ABHD3: variants seen among roughly 807,000 people sequenced by gnomAD.
ABHD3 encodes the protein abhydrolase domain containing 3, phospholipase, also known as phospholipase ABHD3.
A neutral mutation model predicts 48.8 loss-of-function variants in ABHD3; 46 were observed. That is an observed-to-expected ratio of 0.94 (90% CI 0.74 to 1.20). ABHD3 has a LOEUF of 1.20. Ranked by LOEUF, ABHD3 falls within the 50% of genes most tolerant of loss-of-function variation. The pLI, the probability that ABHD3 is intolerant of heterozygous loss-of-function variation, is 0.00. For synonymous variants in ABHD3, 192 were observed against 183.7 expected (o/e 1.04, Z -0.36); for missense variants, 490 against 497.8 (o/e 0.98, Z 0.15).
chr18:21,692,527 T>A (rs897026839), intron 3 of ABHD3, among the ~76,000 whole-genome samples: 12 of 152,086 alleles, frequency 7.9e-5, no homozygotes, highest in East Asian at 1.9e-4. Flanking sequence ...TGAATTTTTT[T>A]AAAAAAAGAA....
chr18:21,704,418 C>A, intron 1 of ABHD3, 86 bp downstream of exon 1: 4 of 1,223,226 alleles, frequency 3.3e-6, no homozygotes, highest in Non-Finnish European at 4.1e-6. Flanking sequence ...GGCTGCCGAC[C>A]GCCCCTGGCC....
At chr18:21,690,617 A>G (rs72886610) in intron 3 of ABHD3, among the ~76,000 whole-genome samples, 28,631 of 152,048 alleles carry the variant, frequency 0.19, 3,297 homozygotes, top group East Asian at 0.44. Context: ...AAACAAAAAA[A>G]TCCACCACAT....
chr18:21,701,019 A>G (rs959171721), intron 3 of ABHD3, among the ~76,000 whole-genome samples: 1 of 151,380 alleles, frequency 6.6e-6, no homozygotes, highest in African/African-American at 2.4e-5. Context: ...TAAACATGGA[A>G]TAATGATGAA....
chr18:21,684,654 T>G (rs1464832924), intron 3 of ABHD3, among the ~76,000 whole-genome samples: 2 of 152,148 alleles, frequency 1.3e-5, no homozygotes, highest in East Asian at 3.9e-4. Context: ...AAAAAATATA[T>G]ATCCTCTACC....
chr18:21,690,546 G>A (rs2040227928), intron 3 of ABHD3, among the ~76,000 whole-genome samples: 1 of 152,206 alleles, frequency 6.6e-6, no homozygotes, highest in Non-Finnish European at 1.5e-5. Context: ...AGCTTGCAGT[G>A]AGTCGAGATC....
At chr18:21,668,218 AAAGAAAG>A (rs1644189546) in intron 4 of ABHD3, among the ~76,000 whole-genome samples, 5 of 110,876 alleles carry the variant, frequency 4.5e-5, no homozygotes, top group Admixed American at 8.4e-5. Context: ...AAAAAAAAAA[AAAGAAAG>A]AAAAAGAAAA....
At chr18:21,659,691 CAG>C (rs941975246) in intron 5 of ABHD3, among the ~76,000 whole-genome samples, 9 of 151,442 alleles carry the variant, frequency 5.9e-5, no homozygotes, top group Non-Finnish European at 1.2e-4. Context: ...GTGTTTGAGA[CAG>C]AGTCTTGCTC....
At chr18:21,661,303 A>G (rs2039489405) in intron 5 of ABHD3, among the ~76,000 whole-genome samples, 1 of 152,128 alleles carries the variant, frequency 6.6e-6, no homozygotes, top group Non-Finnish European at 1.5e-5. Flanking sequence ...TTCAGGTGTA[A>G]TAACAGTAAT....
At position 21,703,655 on chromosome 18, in the gene ABHD3, C is replaced by T; in HGVS notation, c.255G>A (p.Trp85Ter). 6.2e-7 allele frequency: 1 copy of T among 1,614,138 alleles called. No homozygotes were observed. The highest frequency in any genetic ancestry group is 8.5e-7 in the Non-Finnish European group (1 of 1,180,020). ...VVTETYYPTV[W>*]CWEGRGQTLL... ...GGGTCTGTCCTCGACCCTCCCAGCACCAGACCGTCGGGTAGTACGTTTCTG... is the reference window on the plus strand; with the variant it reads ...GGGTCTGTCCTCGACCCTCCCAGCATCAGACCGTCGGGTAGTACGTTTCTG... Residue 85 changes from tryptophan (W) to a stop codon, truncating the protein, a stop_gained, in exon 2 of 9, where the codon TGG becomes TGA. Coordinates refer to ENST00000289119, the MANE Select transcript of ABHD3 (RefSeq NM_138340.5). LOFTEE classifies it high-confidence loss of function.
At chr18:21,655,936 T>C (rs1012406851) in intron 8 of ABHD3, among the ~76,000 whole-genome samples, 2 of 150,520 alleles carry the variant, frequency 1.3e-5, no homozygotes, top group South Asian at 2.1e-4. Context: ...GCAGGCGAAT[T>C]ACCTGAGGTC....
intron 2 of ABHD3, among the ~76,000 whole-genome samples, chr18:21,703,006 G>C (rs1302058197): frequency 6.6e-6 from 1 of 152,122 alleles, no homozygotes; most frequent in Non-Finnish European, 1.5e-5. Flanking sequence ...AACAGTGCAA[G>C]TTCCAGGCAA....
At chr18:21,659,577 T>A (rs1428822641) in intron 5 of ABHD3, among the ~76,000 whole-genome samples, 1 of 152,202 alleles carries the variant, frequency 6.6e-6, no homozygotes, top group Non-Finnish European at 1.5e-5. Flanking sequence ...ATTCCTTATA[T>A]ATGTATCCTA....
At chr18:21,682,491 C>A (rs1422604531) in intron 4 of ABHD3, 1 of 152,184 alleles carries the variant, frequency 6.6e-6, no homozygotes, top group Non-Finnish European at 1.5e-5. Context: ...CTGTTAAACA[C>A]TTAGCACTGT....
chr18:21,665,388 C>T (rs1467415369), intron 4 of ABHD3, among the ~76,000 whole-genome samples: 2 of 152,180 alleles, frequency 1.3e-5, no homozygotes, highest in East Asian at 1.9e-4. Flanking sequence ...TATAGGCATG[C>T]ACCACCATGC....
chr18:21,682,742 C>G (rs570810247), intron 4 of ABHD3, among the ~76,000 whole-genome samples: 13 of 152,314 alleles, frequency 8.5e-5, no homozygotes, highest in Non-Finnish European at 1.3e-4. Context: ...TGTCTTCCCC[C>G]CCGGCTTTGT....
chr18:21,691,497 G>A (rs2040250796), intron 3 of ABHD3, among the ~76,000 whole-genome samples: 1 of 152,148 alleles, frequency 6.6e-6, no homozygotes, highest in Non-Finnish European at 1.5e-5. Flanking sequence ...CATAAAGGTG[G>A]TAAAACAAAT....
At chr18:21,679,192 G>T (rs2050556053) in intron 4 of ABHD3, among the ~76,000 whole-genome samples, 2 of 152,188 alleles carry the variant, frequency 1.3e-5, no homozygotes, top group South Asian at 4.1e-4. Flanking sequence ...CTGGAACAAG[G>T]TGAGGTATAA....
At chr18:21,663,206 A>AT (rs893333200) in intron 5 of ABHD3, among the ~76,000 whole-genome samples, 17 of 152,050 alleles carry the variant, frequency 1.1e-4, no homozygotes, top group African/African-American at 4.1e-4. Context: ...AAAAATTAAA[A>AT]TTTTTTTTCT....
Position 21,703,957 on chromosome 18 carries a change from AGTTT to A in ABHD3, c.163-214_163-211del, listed in dbSNP as rs1256017918. 77 of 552,528 alleles carry A rather than the reference AGTTT, an allele frequency of 1.4e-4. 1 individual carries two copies. Among genetic ancestry groups the A allele is most frequent in the Middle Eastern group, 5.0e-4 (1 of 2,012 alleles). The allele number at this position is 552,528 out of a possible 1,614,324, so 34.2% of individuals were successfully genotyped here. ...GGGAAGGCGAGAATCGCGATAAGGG[AGTTT>A]GTTTGTTTTTAACTCCGCCTCCCGG... On this transcript the variant is annotated intron_variant, in intron 1 of 8. Transcript: ENST00000289119.
Sources: gnomAD v4.1 joint callset for allele counts (sites outside exome capture counted in the v4.1 genomes callset) on GRCh38, gnomAD v4.1.1 for gene constraint, MANE v1.5 for transcripts, NCBI Gene and HGNC (gene_info 2026-07-23, HGNC 2026-07-21) for gene names.